The following ATAD2B variants were observed in gnomAD, a reference collection of about 807,000 sequenced individuals.
The protein encoded by ATAD2B is ATPase family AAA domain containing 2B.
Under a neutral mutation model 167.6 loss-of-function variants are expected in ATAD2B, and 40 were observed. The observed-to-expected ratio is 0.24, with a 90% CI of 0.19 to 0.31. ATAD2B has a LOEUF of 0.31. Ranked by LOEUF, ATAD2B falls within the 10% of genes least tolerant of loss-of-function variation. The probability of loss-of-function intolerance (pLI) is 1.00; values close to 1 mark genes in which losing one functional copy is unlikely to be tolerated. For missense variants in ATAD2B, 1,242 were observed against 1,757.2 expected (o/e 0.71, Z 5.24); for synonymous variants, 579 against 596.5 (o/e 0.97, Z 0.43).
chr2:23,906,104 A>C (rs1701449888), intron 1 of ATAD2B, among the ~76,000 whole-genome samples: 1 of 152,174 alleles, frequency 6.6e-6, no homozygotes, highest in Non-Finnish European at 1.5e-5. Context: ...TGGGAAGCAG[A>C]GGCGGGCAGA....
intron 6 of ATAD2B, among the ~76,000 whole-genome samples, chr2:23,882,407 C>A (rs892881248): frequency 6.6e-6 from 1 of 150,644 alleles, no homozygotes; most frequent in Non-Finnish European, 1.5e-5. Context: ...TGTTGGCCAG[C>A]CTGGCCTCAA....
At chr2:23,736,631 G>T in the ATAD2B span, among the ~76,000 whole-genome samples, 1 of 152,300 alleles carries the variant, frequency 6.6e-6, no homozygotes, top group South Asian at 2.1e-4. Context: ...CAGAAGATGG[G>T]TGGTTTCTGC....
At chr2:23,821,914 A>G (rs1242991590) in intron 16 of ATAD2B, among the ~76,000 whole-genome samples, 2 of 152,136 alleles carry the variant, frequency 1.3e-5, no homozygotes, top group Admixed American at 1.3e-4. Flanking sequence ...TTGGCCTCCC[A>G]AAACGCTGGG....
At chr2:23,923,683 G>T (rs13385563) in intron 1 of ATAD2B, among the ~76,000 whole-genome samples, 1 of 148,080 alleles carries the variant, frequency 6.8e-6, no homozygotes, top group Non-Finnish European at 1.5e-5. Flanking sequence ...CCGAAAAAAA[G>T]AAAAAGAAAA....
chr2:23,915,435 T>C (rs1702893715), intron 1 of ATAD2B, among the ~76,000 whole-genome samples: 1 of 146,740 alleles, frequency 6.8e-6, no homozygotes, highest in African/African-American at 2.5e-5. Context: ...GAAAACAAAG[T>C]CTTGATTAAA....
chr2:23,872,864 C>G lies in ATAD2B; in HGVS notation c.977+2965G>C, dbSNP rs1017884849. The G allele has an allele frequency of 6.7e-6, 6 of 899,258 alleles. No homozygotes were observed. In the African/African-American group the frequency reaches 9.8e-5, roughly 15 times the overall value. The allele number at this position is 899,258 out of a possible 1,614,324, so 55.7% of individuals were successfully genotyped here. On this transcript the variant is annotated intron_variant, in intron 8 of 27. Transcript: ENST00000238789. ...GGTGAAGCAGATGTCAAACTCATAG[C>G]CAGCCATCTCACAGTGCCTGCCTGC...
At position 23,749,978 on chromosome 2, in the gene ATAD2B, C is replaced by T. The variant is rs1675181582; in HGVS notation, c.*2068G>A. 6.6e-6 allele frequency: 1 copy of T among 151,938 alleles called. No homozygotes were observed. Among genetic ancestry groups the T allele is most frequent in the East Asian group, 1.9e-4 (1 of 5,184 alleles). The allele number at this position is 151,938 out of a possible 1,614,324, so 9.4% of individuals were successfully genotyped here. A position where few individuals can be genotyped will look rare whatever the true frequency, so the allele number is the denominator to read the frequency against. ...AAGAACCTGAGACTTGCAAAAAACCCTTTTACCAGAAACTTGCTACAAAAA... is the reference window on the plus strand; with the variant it reads ...AAGAACCTGAGACTTGCAAAAAACCTTTTTACCAGAAACTTGCTACAAAAA... On this transcript the variant is annotated 3_prime_UTR_variant, in exon 28 of 28. Transcript: ENST00000238789.
At chr2:23,736,996 G>C in the ATAD2B span, among the ~76,000 whole-genome samples, 1 of 152,224 alleles carries the variant, frequency 6.6e-6, no homozygotes, top group Admixed American at 6.5e-5. Flanking sequence ...GGCTGGGGGA[G>C]GGGCGCCTGC....
the ATAD2B span, chr2:23,706,400 C>T: frequency 8.7e-7 from 1 of 1,146,030 alleles, no homozygotes; most frequent in Admixed American, 3.6e-5. Flanking sequence ...CAGCCTACAA[C>T]AGGACACGAC....
chr2:23,877,282 T>G (rs1697013400), intron 7 of ATAD2B, among the ~76,000 whole-genome samples: 1 of 151,042 alleles, frequency 6.6e-6, no homozygotes, highest in East Asian at 2.0e-4. Flanking sequence ...GGTCAGGAGT[T>G]CGAGCCAGCC....
the ATAD2B span, chr2:23,693,669 G>C: frequency 1.1e-6 from 1 of 919,110 alleles, no homozygotes; most frequent in South Asian, 1.7e-5. Flanking sequence ...GGCGGGCAGA[G>C]AGGTGAGAAA....
At chr2:23,681,068 C>A in the ATAD2B span, among the ~76,000 whole-genome samples, 1 of 152,320 alleles carries the variant, frequency 6.6e-6, no homozygotes, top group Admixed American at 6.5e-5. The surrounding 1 kb of genome is among the most constrained non-coding windows in gnomAD (Gnocchi z 4.2). Context: ...CTGTGCCCAG[C>A]GGGTCCTGGT....
intron 6 of ATAD2B, among the ~76,000 whole-genome samples, chr2:23,882,321 G>A (rs1425522260): frequency 7.3e-5 from 11 of 151,400 alleles, no homozygotes; most frequent in South Asian, 2.1e-4. Context: ...TCAGCCTCCC[G>A]AGTAGCTGCG....
At chr2:23,803,050 T>C (rs1057389056) in intron 18 of ATAD2B, among the ~76,000 whole-genome samples, 6 of 152,172 alleles carry the variant, frequency 3.9e-5, no homozygotes, top group Non-Finnish European at 8.8e-5. Flanking sequence ...CAGTCCCTTT[T>C]TTCTAAATCA....
the ATAD2B span, among the ~76,000 whole-genome samples, chr2:23,681,881 T>C: frequency 5.3e-5 from 8 of 152,154 alleles, no homozygotes; most frequent in Non-Finnish European, 8.8e-5. This position sits in a 1 kb window ranked among gnomAD's most constrained non-coding sequence, Gnocchi z 4.2. Context: ...AGCTGAGCCT[T>C]ATCCAGCCTG....
intron 17 of ATAD2B, among the ~76,000 whole-genome samples, chr2:23,812,046 C>A (rs1685680502): frequency 6.6e-6 from 1 of 151,954 alleles, no homozygotes; most frequent in African/African-American, 2.4e-5. Context: ...ACAAAGTTTA[C>A]TCTCACTGTG....
chr2:23,763,503 A>G (rs1397414850), intron 23 of ATAD2B, among the ~76,000 whole-genome samples: 1 of 152,218 alleles, frequency 6.6e-6, no homozygotes, highest in Non-Finnish European at 1.5e-5. Context: ...TTGTCTCTAT[A>G]GACTTGCCTT....
At chr2:23,682,710 A>C in the ATAD2B span, among the ~76,000 whole-genome samples, 2 of 141,484 alleles carry the variant, frequency 1.4e-5, no homozygotes. The surrounding 1 kb of genome is among the most constrained non-coding windows in gnomAD (Gnocchi z 4.1). Flanking sequence ...GCGCCCTCCC[A>C]CTGGTGCTCT....
intron 1 of ATAD2B, among the ~76,000 whole-genome samples, chr2:23,918,278 G>T (rs1353500471): frequency 6.6e-6 from 1 of 151,606 alleles, no homozygotes; most frequent in South Asian, 2.1e-4. Context: ...GGCTGTGATG[G>T]GAGAATCCAC....
Sources: gnomAD v4.1 joint callset for allele counts (sites outside exome capture counted in the v4.1 genomes callset) on GRCh38, gnomAD v4.1.1 for gene constraint, Gnocchi (gnomAD v3.1) non-coding constraint, MANE v1.5 for transcripts, NCBI Gene and HGNC (gene_info 2026-07-23, HGNC 2026-07-21) for gene names.